The following EVL variants were observed in gnomAD, a reference collection of about 807,000 sequenced individuals.
EVL encodes the protein Enah/Vasp-like, also known as ena/VASP-like protein.
Under a neutral mutation model 59.6 loss-of-function variants are expected in EVL, and 21 were observed. The observed-to-expected ratio is 0.35, with a 90% CI of 0.25 to 0.51. The LOEUF (loss-of-function observed/expected upper bound fraction) is 0.51, where lower values mean the gene tolerates loss of function less well. Among genes scored for constraint, EVL ranks in the 20% least tolerant of loss-of-function variants. EVL has a pLI of 0.97. For synonymous variants in EVL, 198 were observed against 203.5 expected, an observed-to-expected ratio of 0.97 and a Z score of 0.23; for missense variants, 462 against 546.6, an observed-to-expected ratio of 0.85 and a Z score of 1.54.
intron 9 of EVL, chr14:100,137,313 C>T: frequency 3.8e-6 from 2 of 532,950 alleles, no homozygotes; most frequent in South Asian, 2.2e-5. Context: ...GTCACTGGGT[C>T]CCTTACCAGC....
chr14:99,987,559 T>C (rs778812309), intron 1 of EVL, among the ~76,000 whole-genome samples: 2 of 152,170 alleles, frequency 1.3e-5, no homozygotes, highest in African/African-American at 2.4e-5. Flanking sequence ...GGAGAATCAC[T>C]TGAACCCGGG....
At chr14:99,979,449 T>C (rs188814870) in intron 1 of EVL, among the ~76,000 whole-genome samples, 60 of 152,360 alleles carry the variant, frequency 3.9e-4, no homozygotes, top group Admixed American at 1.4e-3. Flanking sequence ...ATTTAAGTTA[T>C]TGTTTTTCTA....
intron 1 of EVL, among the ~76,000 whole-genome samples, chr14:99,985,493 C>T (rs182181880): frequency 1.7e-4 from 26 of 152,170 alleles, no homozygotes; most frequent in African/African-American, 6.0e-4. Context: ...CTTGGCCAGG[C>T]GTGGTGGCTC....
At position 100,025,484 on chromosome 14, in the gene EVL, T is replaced by C. The variant is rs143991992; in HGVS notation, c.5+53427T>C. Among the ~76,000 whole-genome samples the C allele has an allele frequency of 1.2e-4, 18 of 152,284 alleles. 1 individual carries two copies. The South Asian group carries it at 2.1e-3, about 18-fold the overall frequency. On this transcript the variant is annotated intron_variant, in intron 1 of 13. Coordinates refer to the EVL transcript ENST00000402714. The stretch of plus-strand genomic sequence containing the variant: ...CTGACCTGTCTTTTTAATATCCCTC[T>C]CCCCACAATGGGCACTCCCTTTCTT...
At chr14:100,122,861 G>A (rs368491649) in intron 3 of EVL, among the ~76,000 whole-genome samples, 2 of 152,196 alleles carry the variant, frequency 1.3e-5, no homozygotes, top group South Asian at 2.1e-4. Flanking sequence ...CGCCTATGCC[G>A]GGGTCCCTCC....
At chr14:100,129,839 A>G (rs1475263032) in intron 7 of EVL, among the ~76,000 whole-genome samples, 155 bp downstream of exon 7, 1 of 152,218 alleles carries the variant, frequency 6.6e-6, no homozygotes. Context: ...TTCCCTTCCC[A>G]AGGGGTTAGT....
chr14:100,019,434 T>C (rs2140199376), intron 1 of EVL: 1 of 534,138 alleles, frequency 1.9e-6, no homozygotes, highest in Middle Eastern at 3.5e-4. Context: ...CTTGCTGGAA[T>C]GATCACATGG....
chr14:100,127,038 G>A lies in EVL; in HGVS notation c.487+267G>A, dbSNP rs1448826851. On this transcript the variant is annotated intron_variant, in intron 5 of 13. Coordinates refer to ENST00000392920, the MANE Select transcript of EVL (RefSeq NM_016337.3). The surrounding 1 kb of genome is among the most constrained non-coding windows in gnomAD (Gnocchi z 4.2). ...AAGCACCTCCTGTGTCTCAGGCACC[G>A]TGCTAAGGGCTGGGGACACAACTAT... Among the ~76,000 whole-genome samples the A allele has an allele frequency of 6.6e-6, 1 of 152,238 alleles. No individual in the cohort carries two copies. Among genetic ancestry groups the A allele is most frequent in the African/African-American group, 2.4e-5 (1 of 41,462 alleles).
chr14:100,051,406 T>TC (rs915242414), intron 1 of EVL, among the ~76,000 whole-genome samples: 1 of 152,196 alleles, frequency 6.6e-6, no homozygotes, highest in Non-Finnish European at 1.5e-5. Context: ...TTGGAACATA[T>TC]CCCCCCATGG....
rs567815069 is a variant in EVL at position 100,069,579 on chromosome 14, C to T, written c.11+4068C>T. Among the ~76,000 whole-genome samples the T allele has an allele frequency of 7.9e-5, 12 of 152,278 alleles. No individual in the cohort carries two copies. The South Asian group carries it at 1.7e-3, about 21-fold the overall frequency. On this transcript the variant is annotated intron_variant, in intron 1 of 13. Transcript: ENST00000392920. ...AGTCCGTTCACTCTCCATGGGAACC[C>T]GCACTTCCCTAGAGACCTGTAGCCA... is the stretch of plus-strand genomic sequence containing the variant.
intron 3 of EVL, chr14:100,102,162 AG>A (rs2140328356): frequency 2.3e-6 from 1 of 434,906 alleles, no homozygotes; most frequent in African/African-American, 2.0e-5. Context: ...CTTACTGGTA[AG>A]GGTGAACATT....
At chr14:100,069,949 G>A (rs141776874) in intron 1 of EVL, among the ~76,000 whole-genome samples, 8 of 151,844 alleles carry the variant, frequency 5.3e-5, no homozygotes, top group East Asian at 3.9e-4. Context: ...AGGGTTGGCC[G>A]GGTATGGTGG....
At chr14:100,013,979 G>T (rs753281002) in intron 1 of EVL, among the ~76,000 whole-genome samples, 1 of 152,072 alleles carries the variant, frequency 6.6e-6, no homozygotes, top group Non-Finnish European at 1.5e-5. Flanking sequence ...ATTACAAATG[G>T]GACAAATGGG....
At chr14:100,019,587 C>T in intron 1 of EVL, 1 of 1,314,310 alleles carries the variant, frequency 7.6e-7, no homozygotes, top group Non-Finnish European at 1.0e-6. Context: ...CACTTTGCAC[C>T]ATCTGACTAA....
intron 1 of EVL, among the ~76,000 whole-genome samples, chr14:99,990,840 A>G (rs148410554): frequency 6.6e-6 from 1 of 152,154 alleles, no homozygotes; most frequent in East Asian, 1.9e-4. Flanking sequence ...TCTCTTCAAG[A>G]TCCTACTTTG....
At chr14:99,986,035 T>C (rs2060837927) in intron 1 of EVL, among the ~76,000 whole-genome samples, 2 of 152,188 alleles carry the variant, frequency 1.3e-5, no homozygotes, top group Admixed American at 1.3e-4. Context: ...CTCATGCCTG[T>C]AATCCCAGCA....
At chr14:100,043,707 G>T (rs2061504220) in intron 1 of EVL, among the ~76,000 whole-genome samples, 1 of 151,420 alleles carries the variant, frequency 6.6e-6, no homozygotes, top group Admixed American at 6.6e-5. Flanking sequence ...CATGCTCCTG[G>T]GCTCAAGCAA....
rs34073270 is a variant in EVL, at chr14:100,135,929, C to G, written c.925C>G (p.Pro309Ala). The part of the protein sequence containing the change: ...QMEDPSTSPS[P>A]GTRAASQPPN... The stretch of plus-strand genomic sequence containing the variant: ...GGAAGATCCTAGTACCTCCCCCTCT[C>G]CGGGGACCCGAGCAGCCAGCCAGCC... The change falls in exon 9 of 14, where the codon CCG (proline) becomes GCG (alanine). Residue 309 changes from proline (P) to alanine (A), a missense_variant. Coordinates refer to ENST00000392920, the MANE Select transcript of EVL (RefSeq NM_016337.3). The G allele has an allele frequency of 5.9e-3, 9,570 of 1,613,906 alleles. 494 individuals are homozygous for G. In the African/African-American group the frequency reaches 0.11, roughly 19 times the overall value.
At chr14:100,039,567 C>T (rs1423319450) in intron 1 of EVL, among the ~76,000 whole-genome samples, 1 of 152,110 alleles carries the variant, frequency 6.6e-6, no homozygotes, top group African/African-American at 2.4e-5. Context: ...AACTTTAAGT[C>T]ACATGAATAA....
Sources: gnomAD v4.1 joint callset for allele counts (sites outside exome capture counted in the v4.1 genomes callset) on GRCh38, gnomAD v4.1.1 for gene constraint, Gnocchi (gnomAD v3.1) non-coding constraint, MANE v1.5 for transcripts, NCBI Gene and HGNC (gene_info 2026-07-23, HGNC 2026-07-21) for gene names.